The following CTNND2 variants were observed in gnomAD, a reference collection of about 807,000 sequenced individuals.
CTNND2 encodes catenin delta 2.
Under a neutral mutation model 144.4 loss-of-function variants are expected in CTNND2, and 22 were observed. The observed-to-expected ratio is 0.15, with a 90% CI of 0.11 to 0.22. The LOEUF (loss-of-function observed/expected upper bound fraction) is 0.22, where lower values mean the gene tolerates loss of function less well. CTNND2 is among the 10% of genes least tolerant of loss of function. The pLI is 1.00. For synonymous variants in CTNND2, 751 were observed against 695.6 expected, an observed-to-expected ratio of 1.08 and a Z score of -1.25; for missense variants, 1,353 against 1,618.8, an observed-to-expected ratio of 0.84 and a Z score of 2.82.
chr5:11,750,329 A>C (rs970690599), intron 1 of CTNND2, among the ~76,000 whole-genome samples: 2 of 151,900 alleles, frequency 1.3e-5, no homozygotes, highest in African/African-American at 4.8e-5. Context: ...GTGTTGTATT[A>C]GGGTGGCAGA....
intron 12 of CTNND2, among the ~76,000 whole-genome samples, chr5:11,129,312 A>AT (rs1561354096): frequency 0.017 from 1,304 of 76,716 alleles, 22 homozygotes; most frequent in Non-Finnish European, 0.022. Context: ...TTATATATAT[A>AT]AATATATATA....
At chr5:11,873,081 A>C (rs1243410965) in intron 1 of CTNND2, among the ~76,000 whole-genome samples, 1 of 152,198 alleles carries the variant, frequency 6.6e-6, no homozygotes, top group Non-Finnish European at 1.5e-5. Context: ...AATGGGAGAA[A>C]ATTTTTGCAA....
intron 2 of CTNND2, among the ~76,000 whole-genome samples, chr5:11,708,230 AC>A (rs1223639164): frequency 6.6e-6 from 1 of 150,738 alleles, no homozygotes; most frequent in East Asian, 1.9e-4. Context: ...GATTTTTTAA[AC>A]TTAAATAGAT....
intron 16 of CTNND2, among the ~76,000 whole-genome samples, chr5:11,062,015 C>T (rs1362692545): frequency 1.3e-5 from 2 of 152,164 alleles, no homozygotes; most frequent in African/African-American, 4.8e-5. Flanking sequence ...GGCCTGTTTG[C>T]TTATTTTTGA....
At chr5:11,228,743 G>T (rs1351298612) in intron 10 of CTNND2, among the ~76,000 whole-genome samples, 1 of 152,048 alleles carries the variant, frequency 6.6e-6, no homozygotes, top group Admixed American at 6.6e-5. Flanking sequence ...GCCTCCAAAA[G>T]TGCTAGGATT....
chr5:11,107,336 G>A (rs1484531372), intron 14 of CTNND2, among the ~76,000 whole-genome samples: 1 of 152,116 alleles, frequency 6.6e-6, no homozygotes, highest in African/African-American at 2.4e-5. Flanking sequence ...TCTCCATTGT[G>A]GTCATTTTAA....
chr5:11,904,251 C>A lies in CTNND2; in HGVS notation c.-398G>T, dbSNP rs1333896970. Among the ~76,000 whole-genome samples, 1 of 145,638 alleles carries A rather than the reference C, an allele frequency of 6.9e-6. No homozygotes were observed. Among genetic ancestry groups the A allele is most frequent in the South Asian group, 2.1e-4 (1 of 4,790 alleles). On this transcript the variant is annotated 5_prime_UTR_variant, in exon 1 of 22. Transcript: ENST00000304623. The surrounding 1 kb of genome is among the most constrained non-coding windows in gnomAD (Gnocchi z 4.2). ...GCGCGAGCCTGGGGCCGCCGCGGCG[C>A]CCGGCGCCGAGCGCTCCCGAGCTGC...
intron 1 of CTNND2, among the ~76,000 whole-genome samples, chr5:11,802,656 C>T (rs375082272): frequency 6.6e-6 from 1 of 152,158 alleles, no homozygotes; most frequent in African/African-American, 2.4e-5. Flanking sequence ...ATACACTTTA[C>T]CAGGTCATAT....
intron 2 of CTNND2, among the ~76,000 whole-genome samples, chr5:11,642,105 G>A (rs1287547123): frequency 2.0e-5 from 3 of 151,934 alleles, no homozygotes; most frequent in Non-Finnish European, 2.9e-5. Context: ...GAAAACCCAC[G>A]GAGTTTTGAG....
intron 16 of CTNND2, among the ~76,000 whole-genome samples, chr5:11,077,498 C>T (rs925347112): frequency 2.0e-5 from 3 of 152,178 alleles, no homozygotes; most frequent in African/African-American, 4.8e-5. Context: ...ATAGGAATCA[C>T]AGTCAACCAG....
Position 11,492,531 on chromosome 5 carries a change from G to A in CTNND2, c.287+72413C>T, listed in dbSNP as rs867594985. 2.2e-4 allele frequency among the ~76,000 whole-genome samples: 33 copies of A among 150,524 alleles called. No homozygotes were observed. The Middle Eastern group carries it at 0.01, about 47-fold the overall frequency. ...TGTGTGTGTGTGTGTGTGTGTGTGT[G>A]TGTGTATGTGTGTGTATCTGGACTT... On this transcript the variant is annotated intron_variant, in intron 3 of 21. Transcript: ENST00000304623.
chr5:11,377,340 C>T (rs1042212607), intron 7 of CTNND2, among the ~76,000 whole-genome samples: 1 of 152,112 alleles, frequency 6.6e-6, no homozygotes. Context: ...CAGGTGTGAG[C>T]CACTGGGCCC....
chr5:11,572,569 T>C (rs952217918), intron 2 of CTNND2, among the ~76,000 whole-genome samples: 6 of 152,126 alleles, frequency 3.9e-5, no homozygotes, highest in African/African-American at 1.4e-4. Context: ...GATGACATCC[T>C]CCTGATACAT....
At chr5:11,899,587 A>G (rs2126339531) in intron 1 of CTNND2, among the ~76,000 whole-genome samples, 1 of 152,298 alleles carries the variant, frequency 6.6e-6, no homozygotes, top group Non-Finnish European at 1.5e-5. Flanking sequence ...ATCCTTTGTT[A>G]GAGAGGATGG....
intron 1 of CTNND2, among the ~76,000 whole-genome samples, chr5:11,865,714 G>A (rs1424825975): frequency 1.3e-5 from 2 of 151,944 alleles, no homozygotes; most frequent in Non-Finnish European, 2.9e-5. Context: ...TTAAAATTGG[G>A]AGATTACCCT....
At chr5:11,748,915 T>A (rs1788459317) in intron 1 of CTNND2, among the ~76,000 whole-genome samples, 1 of 152,062 alleles carries the variant, frequency 6.6e-6, no homozygotes, top group Non-Finnish European at 1.5e-5. Flanking sequence ...TGGTATATGA[T>A]CCTGAGACAA....
intron 3 of CTNND2, among the ~76,000 whole-genome samples, chr5:11,434,063 A>G (rs1763541156): frequency 2.6e-5 from 4 of 152,242 alleles, no homozygotes; most frequent in African/African-American, 9.6e-5. Context: ...CCAAATTGGA[A>G]TGAGCCCAGA....
At chr5:11,498,018 T>C (rs1207543256) in intron 3 of CTNND2, among the ~76,000 whole-genome samples, 1 of 151,982 alleles carries the variant, frequency 6.6e-6, no homozygotes, top group Non-Finnish European at 1.5e-5. Context: ...GTCTGCAAAG[T>C]AGAGTCAAAC....
At chr5:11,827,213 G>A (rs1002977842) in intron 1 of CTNND2, among the ~76,000 whole-genome samples, 1 of 152,114 alleles carries the variant, frequency 6.6e-6, no homozygotes, top group African/African-American at 2.4e-5. Context: ...TAAAACTCAG[G>A]TGTAAATAAT....
Sources: allele counts gnomAD v4.1 joint callset (sites outside exome capture counted in the v4.1 genomes callset), GRCh38; gene constraint gnomAD v4.1.1; non-coding constraint Gnocchi (gnomAD v3.1); transcripts MANE v1.5; gene names NCBI Gene and HGNC (gene_info 2026-07-23, HGNC 2026-07-21).